ZNF704: variants seen among roughly 807,000 people sequenced by gnomAD.
The protein encoded by ZNF704 is zinc finger protein 704, also known as glucocorticoid induced gene 1.
A neutral mutation model predicts 44.7 loss-of-function variants in ZNF704; 10 were observed. The ratio of observed to expected loss-of-function variants is 0.22; its 90% CI spans 0.14 to 0.38. The LOEUF (loss-of-function observed/expected upper bound fraction) is 0.38, where lower values mean the gene tolerates loss of function less well. ZNF704 is among the 10% of genes least tolerant of loss of function. ZNF704 has a pLI of 1.00. For missense variants in ZNF704, 390 were observed against 545.5 expected, an observed-to-expected ratio of 0.71 and a Z score of 2.84; for synonymous variants, 211 against 207.6, an observed-to-expected ratio of 1.02 and a Z score of -0.14.
chr8:80,826,939 C>T (rs1808388183), intron 1 of ZNF704, among the ~76,000 whole-genome samples: 1 of 152,142 alleles, frequency 6.6e-6, no homozygotes, highest in Non-Finnish European at 1.5e-5. Context: ...ATAATAAGAG[C>T]TATTTATGAC....
chr8:80,772,879 T>C (rs1377909888), intron 2 of ZNF704, among the ~76,000 whole-genome samples: 7 of 152,336 alleles, frequency 4.6e-5, no homozygotes, highest in Admixed American at 3.9e-4. Flanking sequence ...TTTGAGACTT[T>C]TGGTCTTTTC....
chr8:80,849,553 G>A (rs1808823406), intron 1 of ZNF704, among the ~76,000 whole-genome samples: 1 of 152,198 alleles, frequency 6.6e-6, no homozygotes, highest in Admixed American at 6.5e-5. Flanking sequence ...GCTCAAAGGT[G>A]ACAAAGGCAT....
intron 2 of ZNF704, among the ~76,000 whole-genome samples, chr8:80,781,742 T>C (rs1025870009): frequency 3.9e-5 from 6 of 152,206 alleles, no homozygotes; most frequent in Non-Finnish European, 7.3e-5. Context: ...GTGTCACTCA[T>C]GGGAACATGG....
intron 2 of ZNF704, among the ~76,000 whole-genome samples, chr8:80,732,747 G>C (rs1363482808): frequency 6.6e-6 from 1 of 152,102 alleles, no homozygotes. Context: ...CTTGAGCCCA[G>C]GAGTTTGAGA....
At chr8:80,758,543 A>G (rs1807076047) in intron 2 of ZNF704, among the ~76,000 whole-genome samples, 1 of 152,150 alleles carries the variant, frequency 6.6e-6, no homozygotes, top group Non-Finnish European at 1.5e-5. Context: ...AAGAAAGCAA[A>G]ATATACTGAC....
At position 80,633,663 on chromosome 8, in the gene ZNF704, G is replaced by A. The variant is rs1002430797; in HGVS notation, c.*7703C>T. The A allele has an allele frequency of 6.6e-6, 1 of 152,190 alleles. No homozygotes were observed. The highest frequency in any genetic ancestry group is 2.4e-5 in the African/African-American group (1 of 41,430). 9.4% of individuals were successfully genotyped at this position (152,190 alleles called of 1,614,324 possible). A position where few individuals can be genotyped will look rare whatever the true frequency, so the allele number is the denominator to read the frequency against. ...AAGACTACTCTGGGTTGGCCTTGGA[G>A]GTGGGTAATGTTGATTTTAAATATT... On this transcript the variant is annotated 3_prime_UTR_variant, in exon 9 of 9. Transcript: ENST00000327835.
chr8:80,701,842 G>A (rs903560244), intron 2 of ZNF704, among the ~76,000 whole-genome samples: 16 of 152,202 alleles, frequency 1.1e-4, no homozygotes, highest in Non-Finnish European at 4.4e-5. Flanking sequence ...GAAGTGGACT[G>A]CTGTGGGTTG....
At chr8:80,730,595 G>T (rs188873140) in intron 2 of ZNF704, among the ~76,000 whole-genome samples, 1 of 149,430 alleles carries the variant, frequency 6.7e-6, no homozygotes, top group Admixed American at 6.7e-5. Flanking sequence ...TTGTGGTCAC[G>T]GGTGATAAAG....
rs1817683120 is a variant in ZNF704, at chr8:80,637,631, G to C, written c.*3735C>G. 6.6e-6 allele frequency: 1 copy of C among 152,110 alleles called. No homozygotes were observed. The highest frequency in any genetic ancestry group is 1.5e-5 in the Non-Finnish European group (1 of 67,986). The allele number at this position is 152,110 out of a possible 1,614,324, so 9.4% of individuals were successfully genotyped here. A position where few individuals can be genotyped will look rare whatever the true frequency, so the allele number is the denominator to read the frequency against. ...TGACTATCTCTTTGAAAAGTTTTTA[G>C]AAAGGTCAAGAATTGTGTCATTCTC... On this transcript the variant is annotated 3_prime_UTR_variant, in exon 9 of 9. Transcript: ENST00000327835.
At chr8:80,675,478 T>G (rs953361145) in intron 4 of ZNF704, among the ~76,000 whole-genome samples, 16 of 152,118 alleles carry the variant, frequency 1.1e-4, no homozygotes, top group African/African-American at 2.9e-4. Flanking sequence ...GTTTTGTTTT[T>G]TTTTTTAATA....
intron 2 of ZNF704, among the ~76,000 whole-genome samples, chr8:80,716,458 T>A (rs1402056886): frequency 2.6e-5 from 4 of 152,204 alleles, no homozygotes; most frequent in African/African-American, 9.6e-5. Flanking sequence ...TGACCCTCTA[T>A]CCTTGGATCG....
In ZNF704 at chr8:80,687,458, T is replaced by G; in HGVS notation, c.326A>C (p.Glu109Ala). 6.5e-7 allele frequency: 1 copy of G among 1,546,790 alleles called. No homozygotes were observed. The highest frequency in any genetic ancestry group is 8.7e-7 in the Non-Finnish European group (1 of 1,147,892). ...CTCCTTCCAGGATCCGCTGAGGCTC[T>G]CTGCATGCACACAAACACAGTCAGT... Reference protein sequence around the residue: ...LVRSPPVRPNESLSGSWKEGG... With the variant: ...LVRSPPVRPNASLSGSWKEGG... The change falls in exon 4 of 9, where the codon GAG (glutamate) becomes GCG (alanine). Residue 109 changes from glutamate (E) to alanine (A), a missense_variant and splice_region_variant. This residue lies in a region of ZNF704 where 305 missense variants were observed against 435.7 expected (regional missense o/e 0.70). Coordinates refer to ENST00000327835, the MANE Select transcript of ZNF704 (RefSeq NM_001033723.3).
chr8:80,696,609 G>C (rs933173512), intron 2 of ZNF704, among the ~76,000 whole-genome samples: 1 of 152,066 alleles, frequency 6.6e-6, no homozygotes, highest in African/African-American at 2.4e-5. Flanking sequence ...GTAGAGACGG[G>C]GTTTCACCAT....
At chr8:80,869,672 C>T (rs1343504848) in intron 1 of ZNF704, among the ~76,000 whole-genome samples, 2 of 152,184 alleles carry the variant, frequency 1.3e-5, no homozygotes, top group East Asian at 3.9e-4. Flanking sequence ...TGATCCTCAC[C>T]ACCTGGTGTT....
At chr8:80,645,342 G>A (rs1231367744) in intron 7 of ZNF704, among the ~76,000 whole-genome samples, 1 of 152,176 alleles carries the variant, frequency 6.6e-6, no homozygotes, top group Non-Finnish European at 1.5e-5. Flanking sequence ...AAAGTCATGG[G>A]AACATTCCCC....
At chr8:80,819,502 T>C (rs1439620911) in intron 2 of ZNF704, among the ~76,000 whole-genome samples, 1 of 151,592 alleles carries the variant, frequency 6.6e-6, no homozygotes, top group Non-Finnish European at 1.5e-5. Context: ...AATTGCAAGT[T>C]GGTATTAAAC....
chr8:80,831,100 T>G (rs928383267), intron 1 of ZNF704, among the ~76,000 whole-genome samples: 1 of 152,040 alleles, frequency 6.6e-6, no homozygotes, highest in Non-Finnish European at 1.5e-5. Flanking sequence ...ATTTGGAAAT[T>G]GTGATGCAAA....
intron 2 of ZNF704, among the ~76,000 whole-genome samples, chr8:80,701,202 C>A (rs1042438592): frequency 6.6e-6 from 1 of 152,026 alleles, no homozygotes; most frequent in Non-Finnish European, 1.5e-5. Context: ...TGGGAAACAG[C>A]GAATGACTCT....
At chr8:80,813,487 G>T (rs1272474500) in intron 2 of ZNF704, among the ~76,000 whole-genome samples, 1 of 152,064 alleles carries the variant, frequency 6.6e-6, no homozygotes, top group Non-Finnish European at 1.5e-5. Flanking sequence ...AAAAGAAGAA[G>T]AGTACTAAAT....
Sources: allele counts gnomAD v4.1 joint callset (sites outside exome capture counted in the v4.1 genomes callset), GRCh38; gene constraint gnomAD v4.1.1; regional missense constraint gnomAD v4.1.1; transcripts MANE v1.5; gene names NCBI Gene and HGNC (gene_info 2026-07-23, HGNC 2026-07-21).